Variants in DNAJB14 observed in about 807,000 individuals in gnomAD.
DNAJB14 encodes the protein dnaJ homolog subfamily B member 14.
Under a neutral mutation model 48.4 loss-of-function variants are expected in DNAJB14, and 22 were observed. The ratio of observed to expected loss-of-function variants is 0.45; its 90% CI spans 0.32 to 0.65. DNAJB14 has a LOEUF of 0.65. Among genes scored for constraint, DNAJB14 ranks in the 30% least tolerant of loss-of-function variants. The pLI, the probability that DNAJB14 is intolerant of heterozygous loss-of-function variation, is 0.03. For missense variants in DNAJB14, 319 were observed against 458.8 expected (o/e 0.70, Z 2.78); for synonymous variants, 142 against 158.7 (o/e 0.89, Z 0.79).
chr4:99,933,088 C>T (rs1726536917), intron 1 of DNAJB14, among the ~76,000 whole-genome samples: 2 of 151,904 alleles, frequency 1.3e-5, no homozygotes, highest in African/African-American at 4.8e-5. Context: ...TGTTGTGCAG[C>T]TCTGTTAAAA....
At chr4:99,902,853 TA>T (rs1725340355) in intron 7 of DNAJB14, among the ~76,000 whole-genome samples, 1 of 152,172 alleles carries the variant, frequency 6.6e-6, no homozygotes, top group Non-Finnish European at 1.5e-5. Context: ...AAAATAAGTA[TA>T]ATCTCACAGG....
In DNAJB14 at chr4:99,899,634, C is replaced by G. The variant is rs1409217798; in HGVS notation, c.*1394G>C. 6.6e-6 allele frequency: 1 copy of G among 152,260 alleles called. No individual in the cohort carries two copies. The highest frequency in any genetic ancestry group is 6.6e-5 in the Admixed American group (1 of 15,238). The allele number at this position is 152,260 out of a possible 1,614,324, so 9.4% of individuals were successfully genotyped here. A position where few individuals can be genotyped will look rare whatever the true frequency, so the allele number is the denominator to read the frequency against. Reference sequence around the variant, plus strand: ...AACTTAAACAAAGAACAAAGCCACCCTATCTAGCATTCTCTCACTCACAAA... The same window carrying G: ...AACTTAAACAAAGAACAAAGCCACCGTATCTAGCATTCTCTCACTCACAAA... On this transcript the variant is annotated 3_prime_UTR_variant, in exon 8 of 8. Coordinates refer to ENST00000442697, the MANE Select transcript of DNAJB14 (RefSeq NM_001031723.4).
rs1485293655 is a variant in DNAJB14 at position 99,897,140 on chromosome 4, T to C, written c.*3888A>G. On this transcript the variant is annotated 3_prime_UTR_variant, in exon 8 of 8. Coordinates refer to ENST00000442697, the MANE Select transcript of DNAJB14 (RefSeq NM_001031723.4). ...ATGGAAGCCCTGCTCTGTGCAAACATAGTGTGGTATATATTAAACAATCAC... is the reference window on the plus strand; with the variant it reads ...ATGGAAGCCCTGCTCTGTGCAAACACAGTGTGGTATATATTAAACAATCAC... The C allele has an allele frequency of 1.3e-5, 2 of 148,968 alleles. No homozygotes were observed. The highest frequency in any genetic ancestry group is 3.0e-5 in the Non-Finnish European group (2 of 67,480). 9.2% of individuals were successfully genotyped at this position (148,968 alleles called of 1,614,324 possible).
In DNAJB14 at chr4:99,897,966, G is replaced by A. The variant is rs1316045070; in HGVS notation, c.*3062C>T. 2 of 151,850 alleles carry A rather than the reference G, an allele frequency of 1.3e-5. No homozygotes were observed. The highest frequency in any genetic ancestry group is 2.9e-5 in the Non-Finnish European group (2 of 67,826). 9.4% of individuals were successfully genotyped at this position (151,850 alleles called of 1,614,324 possible). A position where few individuals can be genotyped will look rare whatever the true frequency, so the allele number is the denominator to read the frequency against. ...ATATTTAGCTGTCTTAACACAGGTGGGAGACTTTTTTTTAATGAAATACAT... is the reference window on the plus strand; with the variant it reads ...ATATTTAGCTGTCTTAACACAGGTGAGAGACTTTTTTTTAATGAAATACAT... On this transcript the variant is annotated 3_prime_UTR_variant, in exon 8 of 8. Transcript: ENST00000442697.
In DNAJB14 at chr4:99,931,533, T is replaced by C. The variant is rs150736967; in HGVS notation, c.134-912A>G. 8.5e-3 allele frequency among the ~76,000 whole-genome samples: 1,291 copies of C among 152,152 alleles called. 10 individuals carry two copies. The highest frequency in any genetic ancestry group is 0.029 in the African/African-American group (1,188 of 41,544). On this transcript the variant is annotated intron_variant, in intron 1 of 7. Coordinates refer to ENST00000442697, the MANE Select transcript of DNAJB14 (RefSeq NM_001031723.4). ...AAGGGAAATCCATCATCATTATGGA[T>C]TTTAACACATTTCAATCAGTAACTG...
At chr4:99,933,610 T>G (rs1274561435) in intron 1 of DNAJB14, among the ~76,000 whole-genome samples, 1 of 152,114 alleles carries the variant, frequency 6.6e-6, no homozygotes. Flanking sequence ...TTTTAAACTA[T>G]AGTCTGTATT....
intron 1 of DNAJB14, among the ~76,000 whole-genome samples, chr4:99,934,302 G>GA (rs1263740896): frequency 2.6e-5 from 4 of 152,038 alleles, no homozygotes; most frequent in African/African-American, 9.7e-5. Flanking sequence ...ATGAGTAAAA[G>GA]AAAATGACAG....
intron 1 of DNAJB14, among the ~76,000 whole-genome samples, chr4:99,943,672 C>G (rs1726961867): frequency 6.6e-6 from 1 of 152,152 alleles, no homozygotes; most frequent in Non-Finnish European, 1.5e-5. Flanking sequence ...AATAAGGTTA[C>G]AAGCTAGTAG....
intron 3 of DNAJB14, among the ~76,000 whole-genome samples, chr4:99,916,037 C>T (rs1725843536): frequency 6.6e-6 from 1 of 152,034 alleles, no homozygotes; most frequent in Non-Finnish European, 1.5e-5. Flanking sequence ...ATAGCAACTC[C>T]TGTTTTCTTT....
At chr4:99,922,498 A>C (rs1726095567) in intron 3 of DNAJB14, 1 of 152,102 alleles carries the variant, frequency 6.6e-6, no homozygotes, top group Non-Finnish European at 1.5e-5. Flanking sequence ...GAATATTGGG[A>C]TGGAAAATAA....
chr4:99,930,237 T>C, intron 2 of DNAJB14: 1 of 382,652 alleles, frequency 2.6e-6, no homozygotes. Context: ...AAAAGCTTTG[T>C]AACTTGAGGT....
At position 99,896,560 on chromosome 4, in the gene DNAJB14, CAT is replaced by C. The variant is rs1725152063; in HGVS notation, c.*4466_*4467del. On this transcript the variant is annotated 3_prime_UTR_variant, in exon 8 of 8. Coordinates refer to ENST00000442697, the MANE Select transcript of DNAJB14 (RefSeq NM_001031723.4). ...AAATTACCTGCAGCTTTTAAAAACA[CAT>C]AAAGTAAATGGAAAGAAAGTCTTAT... The C allele has an allele frequency of 6.6e-6, 1 of 152,036 alleles. No homozygotes were observed. The highest frequency in any genetic ancestry group is 1.5e-5 in the Non-Finnish European group (1 of 67,972). 9.4% of individuals were successfully genotyped at this position (152,036 alleles called of 1,614,324 possible). A position where few individuals can be genotyped will look rare whatever the true frequency, so the allele number is the denominator to read the frequency against.
chr4:99,926,277 A>C (rs1726250229), intron 2 of DNAJB14: 1 of 152,156 alleles, frequency 6.6e-6, no homozygotes, highest in African/African-American at 2.4e-5. Flanking sequence ...GGCAGGGATT[A>C]TGTTTTGTTC....
intron 2 of DNAJB14, chr4:99,925,706 G>A (rs1245353753): frequency 6.6e-6 from 1 of 152,084 alleles, no homozygotes; most frequent in African/African-American, 2.4e-5. Flanking sequence ...TTACAATTGG[G>A]AGAAAAACAA....
At chr4:99,925,142 T>C (rs1309348120) in intron 2 of DNAJB14, 10 of 297,806 alleles carry the variant, frequency 3.4e-5, no homozygotes, top group Non-Finnish European at 6.3e-5. Context: ...GGTACAGTAT[T>C]TACATACAAC....
chr4:99,914,374 C>T (rs1340654572), intron 3 of DNAJB14, among the ~76,000 whole-genome samples: 2 of 152,132 alleles, frequency 1.3e-5, no homozygotes, highest in Non-Finnish European at 2.9e-5. Flanking sequence ...AACCATCATT[C>T]TCAGCAAACT....
intron 6 of DNAJB14, 49 bp downstream of exon 6, chr4:99,905,548 C>A: frequency 6.9e-7 from 1 of 1,453,632 alleles, no homozygotes; most frequent in South Asian, 1.2e-5. Flanking sequence ...GAAGCTAGGT[C>A]AGAAATAGCA....
Position 99,898,322 on chromosome 4 carries a change from ATACT to A in DNAJB14, c.*2702_*2705del, listed in dbSNP as rs978496556. The A allele has an allele frequency of 3.9e-5, 6 of 152,018 alleles. No homozygotes were observed. Among genetic ancestry groups the A allele is most frequent in the African/African-American group, 1.4e-4 (6 of 41,450 alleles). 9.4% of individuals were successfully genotyped at this position (152,018 alleles called of 1,614,324 possible). On this transcript the variant is annotated 3_prime_UTR_variant, in exon 8 of 8. Coordinates refer to ENST00000442697, the MANE Select transcript of DNAJB14 (RefSeq NM_001031723.4). ...CAAGCATGTAATGATTATGAAACAA[ATACT>A]TATTTAGGTGTTCAAATGTAATCTG...
chr4:99,917,013 TA>T (rs2110203470), intron 3 of DNAJB14, among the ~76,000 whole-genome samples: 1 of 152,278 alleles, frequency 6.6e-6, no homozygotes, highest in East Asian at 1.9e-4. Context: ...CACATGCCTG[TA>T]ATCCCAGCTA....
Sources: allele counts gnomAD v4.1 joint callset (sites outside exome capture counted in the v4.1 genomes callset), GRCh38; gene constraint gnomAD v4.1.1; transcripts MANE v1.5; gene names NCBI Gene and HGNC (gene_info 2026-07-23, HGNC 2026-07-21).